IL27RA: variants seen among roughly 807,000 people sequenced by gnomAD.
IL27RA encodes interleukin 27 receptor subunit alpha, also known as interleukin-27 receptor subunit alpha.
A neutral mutation model predicts 80.8 loss-of-function variants in IL27RA; 61 were observed. That is an observed-to-expected ratio of 0.76 (90% CI 0.61 to 0.93). The LOEUF is 0.93. Ranked by LOEUF, IL27RA falls within the 40% of genes least tolerant of loss-of-function variation. The pLI is 0.00. For synonymous variants in IL27RA, 316 were observed against 332.5 expected, an observed-to-expected ratio of 0.95 and a Z score of 0.54; for missense variants, 735 against 808.1, an observed-to-expected ratio of 0.91 and a Z score of 1.10.
At chr19:14,043,159 C>G (rs946875075) in intron 6 of IL27RA, among the ~76,000 whole-genome samples, 3 of 151,840 alleles carry the variant, frequency 2.0e-5, no homozygotes, top group Admixed American at 6.6e-5. Context: ...AAAAAACAAA[C>G]AAAACCCAAT....
chr19:14,039,627 C>T lies in IL27RA; in HGVS notation c.338C>T (p.Pro113Leu), dbSNP rs754756373. 2.3e-5 allele frequency: 37 copies of T among 1,614,018 alleles called. 1 individual carries two copies. The highest frequency in any genetic ancestry group is 5.0e-5 in the Admixed American group (3 of 59,990). ...GTCTGGGGCACTAAGGCAGGCCAGC[C>T]TCTCTGGCCCCCCGTCTTCGTGAAC... ...LLVWGTKAGQ[P>L]LWPPVFVNLE... is the part of the protein sequence containing the mutation. Residue 113 changes from proline to leucine, a missense_variant, in exon 3 of 14, where the codon CCT becomes CTT. Pro to Leu is a moderately conservative substitution (Grantham distance 98). Transcript: ENST00000263379.
In IL27RA at chr19:14,046,108, C is replaced by T. The variant is rs756950683; in HGVS notation, c.769-46C>T. On this transcript the variant is annotated intron_variant, in intron 6 of 13. Coordinates refer to ENST00000263379, the MANE Select transcript of IL27RA (RefSeq NM_004843.4). ...GACCTCAGGGAGACACATATATGTG[C>T]GTGATTAATGGGAGACATTAACCCC... 1.4e-5 allele frequency: 21 copies of T among 1,553,166 alleles called. 1 individual carries two copies. In the South Asian group the frequency reaches 1.5e-4, roughly 11 times the overall value.
At position 14,037,834 on chromosome 19, in the gene IL27RA, CT is replaced by C. The variant is rs1555764856; in HGVS notation, c.219-1659del. ...AGTGAGACCCTCTCGCTCTCTCTCTCTTTTTTTTTTTTTTTGAAATGGAGTC... is the reference window on the plus strand; with the variant it reads ...AGTGAGACCCTCTCGCTCTCTCTCTCTTTTTTTTTTTTTTGAAATGGAGTC... On this transcript the variant is annotated intron_variant, in intron 2 of 13. Transcript: ENST00000263379. Among the ~76,000 whole-genome samples, 990 of 129,384 alleles carry C rather than the reference CT, an allele frequency of 7.7e-3. 18 individuals carry two copies. The highest frequency in any genetic ancestry group is 0.026 in the African/African-American group (921 of 35,506). The allele number at this position is 129,384 out of a possible 152,430, so 84.9% of individuals were successfully genotyped here.
At chr19:14,032,544 G>T in intron 2 of IL27RA, 41 bp downstream of exon 2, 1 of 1,394,942 alleles carries the variant, frequency 7.2e-7, no homozygotes, top group Non-Finnish European at 1.0e-6. Flanking sequence ...GGCTTTGGAG[G>T]TGGCCGCTCA....
intron 2 of IL27RA, among the ~76,000 whole-genome samples, chr19:14,038,335 G>A (rs1367933916): frequency 2.6e-5 from 4 of 151,920 alleles, no homozygotes; most frequent in African/African-American, 7.3e-5. Context: ...TTGTAGACAT[G>A]GGGGTCTCAG....
intron 2 of IL27RA, among the ~76,000 whole-genome samples, chr19:14,034,725 G>A (rs1231132157): frequency 1.3e-5 from 2 of 151,122 alleles, no homozygotes; most frequent in South Asian, 2.1e-4. Context: ...AGGCCGAGGC[G>A]GTGGATCATG....
At chr19:14,049,412 A>ACGT in intron 10 of IL27RA, 98 bp downstream of exon 10, 1 of 1,298,910 alleles carries the variant, frequency 7.7e-7, no homozygotes, top group African/African-American at 1.5e-5. Context: ...TCTTTGGCCC[A>ACGT]GGGACCATAC....
At chr19:14,032,263 TC>T in intron 1 of IL27RA, 122 bp from the exon 2 acceptor site, 1 of 800,446 alleles carries the variant, frequency 1.2e-6, no homozygotes, top group East Asian at 2.5e-5. Flanking sequence ...GCGCCTCCCT[TC>T]CTGCTGCTCA....
At position 14,046,633 on chromosome 19, in the gene IL27RA, C is replaced by T. The variant is rs768314060; in HGVS notation, c.1141+15C>T. On this transcript the variant is annotated intron_variant, in intron 8 of 13. Transcript: ENST00000263379. ...TCTGTTACCAGGTGAGGCCCTGGGACACCTGGGTCTCCATCCCCGCTGTTA... is the reference window on the plus strand; with the variant it reads ...TCTGTTACCAGGTGAGGCCCTGGGATACCTGGGTCTCCATCCCCGCTGTTA... 2.5e-6 allele frequency: 4 copies of T among 1,575,140 alleles called. No individual in the cohort carries two copies. The Admixed American group carries it at 5.4e-5, about 21-fold the overall frequency.
At position 14,051,683 on chromosome 19, in the gene IL27RA, C is replaced by T; in HGVS notation, c.1605C>T (p.Ser535=). 1 of 1,608,466 alleles carries T rather than the reference C, an allele frequency of 6.2e-7. No homozygotes were observed. The highest frequency in any genetic ancestry group is 8.5e-7 in the Non-Finnish European group (1 of 1,176,906). Residue 535 remains serine, a synonymous_variant, in exon 12 of 14, where the codon AGC becomes AGT. Coordinates refer to ENST00000263379, the MANE Select transcript of IL27RA (RefSeq NM_004843.4). ...TGTTCCTGTTGGGGTGTGGCCTGAG[C>T]CTGGCCACCTCTGGAAGGTGAGGCT... The part of the protein sequence containing the change: ...WGLFLLGCGL[S]LATSGRCYHL...
At chr19:14,036,363 G>T (rs1413250475) in intron 2 of IL27RA, among the ~76,000 whole-genome samples, 1 of 152,002 alleles carries the variant, frequency 6.6e-6, no homozygotes, top group Non-Finnish European at 1.5e-5. Context: ...CTGCCTCTAG[G>T]AGGAGTTCAG....
Position 14,040,047 on chromosome 19 carries a change from T to G in IL27RA, c.534+137T>G, listed in dbSNP as rs74824519. 0.19 allele frequency: 153,923 copies of G among 819,204 alleles called. 16,221 individuals carry two copies. Among genetic ancestry groups the G allele is most frequent in the South Asian group, 0.33 (18,938 of 57,694 alleles). The allele number at this position is 819,204 out of a possible 1,614,324, so 50.7% of individuals were successfully genotyped here. A position where few individuals can be genotyped will look rare whatever the true frequency, so the allele number is the denominator to read the frequency against. ...ATGCCTCCCACTCAAAATGCCTGCA[T>G]GTGCCTCTTGTTCAGCTACAAATTC... On this transcript the variant is annotated intron_variant, in intron 4 of 13. Coordinates refer to ENST00000263379, the MANE Select transcript of IL27RA (RefSeq NM_004843.4).
Position 14,037,834 on chromosome 19 carries a change from C to CTCTTTTTTTTTT in IL27RA, c.219-1673_219-1672insCTTTTTTTTTTT, listed in dbSNP as rs77898584. On this transcript the variant is annotated intron_variant, in intron 2 of 13. Transcript: ENST00000263379. ...AGTGAGACCCTCTCGCTCTCTCTCT[C>CTCTTTTTTTTTT]TTTTTTTTTTTTTTTGAAATGGAGT... Among the ~76,000 whole-genome samples the CTCTTTTTTTTTT allele has an allele frequency of 1.8e-3, 235 of 129,358 alleles. 11 individuals carry two copies. Among genetic ancestry groups the CTCTTTTTTTTTT allele is most frequent in the East Asian group, 5.7e-3 (22 of 3,892 alleles). The allele number at this position is 129,358 out of a possible 152,430, so 84.9% of individuals were successfully genotyped here.
intron 2 of IL27RA, among the ~76,000 whole-genome samples, chr19:14,033,632 T>G (rs1240839870): frequency 6.6e-6 from 1 of 151,110 alleles, no homozygotes; most frequent in Non-Finnish European, 1.5e-5. Context: ...GCCATTGCAC[T>G]CCAGCCTGGG....
At chr19:14,042,431 C>T (rs763722642) in intron 4 of IL27RA, 22 bp from the exon 5 acceptor site, 16 of 1,611,182 alleles carry the variant, frequency 9.9e-6, no homozygotes, top group South Asian at 8.8e-5. Flanking sequence ...GGGCCCATCA[C>T]GCTCGCCTGT....
intron 10 of IL27RA, 128 bp from the exon 11 acceptor site, chr19:14,050,630 C>T: frequency 1.0e-6 from 1 of 987,948 alleles, no homozygotes; most frequent in African/African-American, 1.6e-5. Context: ...GAGCAAAGAC[C>T]TAAAAGAGAT....
In IL27RA at chr19:14,038,748, G is replaced by A. The variant is rs115821970; in HGVS notation, c.219-760G>A. ...AAAAGTACAAAACTAGCCGGGAGTG[G>A]TGGCGCATGCCTGTAATTCCAGCCA... On this transcript the variant is annotated intron_variant, in intron 2 of 13. Transcript: ENST00000263379. 8.3e-3 allele frequency among the ~76,000 whole-genome samples: 1,263 copies of A among 151,990 alleles called. 18 individuals carry two copies. Among genetic ancestry groups the A allele is most frequent in the African/African-American group, 0.029 (1,214 of 41,416 alleles).
In IL27RA at chr19:14,049,058, G is replaced by T; in HGVS notation, c.1219G>T (p.Val407Phe). Reference sequence around the variant, plus strand: ...TTCAGGCTTGGCCTCTGCATCCTCCGTCTGGGGGTTCAGGGAGGAATTAGG... The same window carrying T: ...TTCAGGCTTGGCCTCTGCATCCTCCTTCTGGGGGTTCAGGGAGGAATTAGG... ...SASGLASASSVWGFREELAPL... is the reference protein window; with the variant it reads ...SASGLASASSFWGFREELAPL... Residue 407 changes from valine (V) to phenylalanine (F), a missense_variant, in exon 9 of 14, where the codon GTC becomes TTC. Coordinates refer to ENST00000263379, the MANE Select transcript of IL27RA (RefSeq NM_004843.4). The T allele has an allele frequency of 6.2e-7, 1 of 1,613,700 alleles. No individual in the cohort carries two copies. The highest frequency in any genetic ancestry group is 8.5e-7 in the Non-Finnish European group (1 of 1,179,828).
Position 14,032,433 on chromosome 19 carries a change from T to A in IL27RA, c.148T>A (p.Leu50Met). 1 of 1,613,750 alleles carries A rather than the reference T, an allele frequency of 6.2e-7. No homozygotes were observed. The highest frequency in any genetic ancestry group is 8.5e-7 in the Non-Finnish European group (1 of 1,179,906). Reference sequence around the variant, plus strand: ...CTACGGAGTTGGACCCTTGGGCGACTTGAACTGCTCGTGGGAGCCTCTTGG... The same window carrying A: ...CTACGGAGTTGGACCCTTGGGCGACATGAACTGCTCGTGGGAGCCTCTTGG... ...QCYGVGPLGD[L>M]NCSWEPLGDL... Residue 50 changes from leucine (L) to methionine (M), a missense_variant, in exon 2 of 14, where the codon TTG (leucine) becomes ATG (methionine). By Grantham distance (15) the Leu-to-Met change is conservative. Coordinates refer to ENST00000263379, the MANE Select transcript of IL27RA (RefSeq NM_004843.4).
Sources: allele counts gnomAD v4.1 joint callset (sites outside exome capture counted in the v4.1 genomes callset), GRCh38; gene constraint gnomAD v4.1.1; transcripts MANE v1.5; gene names NCBI Gene and HGNC (gene_info 2026-07-23, HGNC 2026-07-21).